Variants in TNFAIP8 observed in about 807,000 individuals in gnomAD.
The protein encoded by TNFAIP8 is TNF alpha induced protein 8, also known as tumor necrosis factor alpha-induced protein 8.
A neutral mutation model predicts 13.3 loss-of-function variants in TNFAIP8; 7 were observed. The observed-to-expected ratio is 0.52, with a 90% CI of 0.30 to 0.99. The LOEUF is 0.99. Ranked by LOEUF, TNFAIP8 falls within the 50% of genes least tolerant of loss-of-function variation. TNFAIP8 has a pLI of 0.07. For missense variants in TNFAIP8, 258 were observed against 236.9 expected (o/e 1.09, Z -0.58); for synonymous variants, 94 against 87.6 (o/e 1.07, Z -0.41).
chr5:119,356,919 G>A (rs1320946843), intron 1 of TNFAIP8, among the ~76,000 whole-genome samples: 1 of 152,186 alleles, frequency 6.6e-6, no homozygotes, highest in Non-Finnish European at 1.5e-5. Flanking sequence ...GTGGGAGTAA[G>A]GGTGGTTGGG....
intron 1 of TNFAIP8, among the ~76,000 whole-genome samples, chr5:119,340,212 A>G (rs982843145): frequency 3.3e-5 from 5 of 152,208 alleles, no homozygotes; most frequent in Non-Finnish European, 5.9e-5. Context: ...TAGCCAGCCA[A>G]TCTTCCCCAC....
At chr5:119,275,595 TAGAAAATG>T (rs1295451327) in intron 1 of TNFAIP8, among the ~76,000 whole-genome samples, 1 of 152,154 alleles carries the variant, frequency 6.6e-6, no homozygotes, top group African/African-American at 2.4e-5. Context: ...TTTGTAATGG[TAGAAAATG>T]AGAAAATGAA....
At position 119,394,423 on chromosome 5, in the gene TNFAIP8, A is replaced by G. The variant is rs1022584065; in HGVS notation, c.*1042A>G. 2 of 152,124 alleles carry G rather than the reference A, an allele frequency of 1.3e-5. No individual in the cohort carries two copies. Among genetic ancestry groups the G allele is most frequent in the African/African-American group, 4.8e-5 (2 of 41,382 alleles). 9.4% of individuals were successfully genotyped at this position (152,124 alleles called of 1,614,324 possible). A position where few individuals can be genotyped will look rare whatever the true frequency, so the allele number is the denominator to read the frequency against. On this transcript the variant is annotated 3_prime_UTR_variant, in exon 2 of 2. Transcript: ENST00000504771. The stretch of plus-strand genomic sequence containing the variant: ...TGTTATTTTTTACTTTGATAAGTAA[A>G]CCAAAGAATATTTGTATTTCAAGCA...
At chr5:119,300,147 A>G (rs978547835) in intron 1 of TNFAIP8, among the ~76,000 whole-genome samples, 1 of 152,168 alleles carries the variant, frequency 6.6e-6, no homozygotes, top group Non-Finnish European at 1.5e-5. Context: ...GCACTCCCTA[A>G]TGAGATGAAC....
intron 1 of TNFAIP8, among the ~76,000 whole-genome samples, chr5:119,292,693 C>A (rs56314105): frequency 1.7e-5 from 1 of 58,896 alleles, no homozygotes; most frequent in Non-Finnish European, 3.0e-5. Flanking sequence ...TATACACACA[C>A]ACACAATGAA....
At chr5:119,369,535 G>A (rs1207506116) in intron 1 of TNFAIP8, among the ~76,000 whole-genome samples, 1 of 152,214 alleles carries the variant, frequency 6.6e-6, no homozygotes, top group African/African-American at 2.4e-5. Flanking sequence ...ACAGGCATAT[G>A]ATTCAGAGTG....
chr5:119,355,797 G>T (rs1230571268), upstream of TNFAIP8: 3 of 552,386 alleles, frequency 5.4e-6, no homozygotes, highest in Non-Finnish European at 7.2e-6. Flanking sequence ...ACCTGCGTGC[G>T]CCCGGGCCGA....
chr5:119,268,905 CGAGT>C lies in TNFAIP8; in HGVS notation c.-1_1+2del. 1 of 701,082 alleles carries C rather than the reference CGAGT, an allele frequency of 1.4e-6. No individual in the cohort carries two copies. The highest frequency in any genetic ancestry group is 2.7e-5 in the East Asian group (1 of 36,454). The allele number at this position is 701,082 out of a possible 1,614,324, so 43.4% of individuals were successfully genotyped here. ...TCCCGGCGCCGTCGCGCCACTCCTC[CGAGT>C]AAGTGGCTCCTGGGCGCGCCCGTCC... On this transcript the variant is annotated splice_donor_variant and coding_sequence_variant and 5_prime_UTR_variant, in exon 1 of 2. Transcript: ENST00000274456. LOFTEE classifies it high-confidence loss of function.
intron 1 of TNFAIP8, among the ~76,000 whole-genome samples, chr5:119,288,292 A>C (rs1748865079): frequency 6.6e-6 from 1 of 152,166 alleles, no homozygotes; most frequent in African/African-American, 2.4e-5. Context: ...AAACAATTGG[A>C]GTTCAGTTGA....
At chr5:119,352,900 C>T (rs1751224301), upstream of TNFAIP8, among the ~76,000 whole-genome samples, 1 of 152,150 alleles carries the variant, frequency 6.6e-6, no homozygotes, top group Non-Finnish European at 1.5e-5. Context: ...TGAGTAGGGT[C>T]AATTTACATA....
At chr5:119,314,725 C>T (rs1358409013) in intron 1 of TNFAIP8, among the ~76,000 whole-genome samples, 1 of 152,106 alleles carries the variant, frequency 6.6e-6, no homozygotes, top group Admixed American at 6.5e-5. Context: ...CTGGCTTTGC[C>T]TTGGATAAAT....
chr5:119,382,187 T>C (rs1489807061), intron 1 of TNFAIP8, among the ~76,000 whole-genome samples: 1 of 152,202 alleles, frequency 6.6e-6, no homozygotes, highest in African/African-American at 2.4e-5. Flanking sequence ...GTCAATCTCC[T>C]TTTGTGAAAC....
At chr5:119,316,595 C>CCA (rs1749903178) in intron 1 of TNFAIP8, among the ~76,000 whole-genome samples, 1 of 152,138 alleles carries the variant, frequency 6.6e-6, no homozygotes, top group Admixed American at 6.5e-5. Flanking sequence ...TATTGATAAA[C>CCA]TCTAAGGCAG....
At chr5:119,282,284 C>CAT (rs1561981371) in intron 1 of TNFAIP8, among the ~76,000 whole-genome samples, 1 of 151,892 alleles carries the variant, frequency 6.6e-6, no homozygotes, top group East Asian at 1.9e-4. Context: ...GTAAAGAGTT[C>CAT]AGTTAACACT....
chr5:119,320,808 T>C (rs2112688030), intron 1 of TNFAIP8, among the ~76,000 whole-genome samples: 1 of 151,814 alleles, frequency 6.6e-6, no homozygotes, highest in South Asian at 2.1e-4. Context: ...CAAGGGCCTC[T>C]ACAGATGGAA....
At chr5:119,306,161 G>A (rs1749547211) in intron 1 of TNFAIP8, among the ~76,000 whole-genome samples, 1 of 152,090 alleles carries the variant, frequency 6.6e-6, no homozygotes, top group Non-Finnish European at 1.5e-5. Context: ...TATACCTTTT[G>A]GCAAAACTTG....
chr5:119,365,709 C>T (rs1212176807), intron 1 of TNFAIP8, among the ~76,000 whole-genome samples: 1 of 152,140 alleles, frequency 6.6e-6, no homozygotes, highest in African/African-American at 2.4e-5. Flanking sequence ...ACTTACAAAA[C>T]CATTTTCACC....
intron 1 of TNFAIP8, among the ~76,000 whole-genome samples, chr5:119,292,683 T>TATAC (rs1339464125): frequency 2.7e-5 from 1 of 36,610 alleles, no homozygotes; most frequent in African/African-American, 7.7e-5. Context: ...TATATATATA[T>TATAC]ATACACACAC....
intron 1 of TNFAIP8, among the ~76,000 whole-genome samples, chr5:119,346,789 C>A (rs1246607541): frequency 6.6e-6 from 1 of 152,196 alleles, no homozygotes; most frequent in East Asian, 1.9e-4. Context: ...ATATCCTGCA[C>A]ACCTCTGTGA....
Sources: allele counts gnomAD v4.1 joint callset (sites outside exome capture counted in the v4.1 genomes callset), GRCh38; gene constraint gnomAD v4.1.1; transcripts MANE v1.5; gene names NCBI Gene and HGNC (gene_info 2026-07-23, HGNC 2026-07-21).